DGLUCY: variants seen among roughly 807,000 people sequenced by gnomAD.
DGLUCY encodes the protein D-glutamate cyclase.
Under a neutral mutation model 58.5 loss-of-function variants are expected in DGLUCY, and 58 were observed. That is an observed-to-expected ratio of 0.99 (90% confidence interval 0.80 to 1.23). The LOEUF is 1.23. Ranked by LOEUF, DGLUCY falls within the 50% of genes most tolerant of loss-of-function variation. DGLUCY has a pLI of 0.00. For synonymous variants in DGLUCY, 325 were observed against 314.1 expected, an observed-to-expected ratio of 1.03 and a Z score of -0.37; for missense variants, 779 against 784.7, an observed-to-expected ratio of 0.99 and a Z score of 0.09.
intron 1 of DGLUCY, among the ~76,000 whole-genome samples, chr14:91,088,809 A>G (rs2044263745): frequency 6.6e-6 from 1 of 152,198 alleles, no homozygotes; most frequent in African/African-American, 2.4e-5. Context: ...GAGGCTGCCA[A>G]CCTGAAGCCA....
intron 1 of DGLUCY, among the ~76,000 whole-genome samples, chr14:91,137,060 G>A (rs1455896264): frequency 6.6e-6 from 1 of 151,980 alleles, no homozygotes; most frequent in African/African-American, 2.4e-5. Flanking sequence ...GTAGAAATAT[G>A]GTTGGACAGA....
chr14:91,105,032 T>C (rs1470263187), upstream of DGLUCY, among the ~76,000 whole-genome samples: 1 of 152,176 alleles, frequency 6.6e-6, no homozygotes, highest in African/African-American at 2.4e-5. Context: ...ATTGCATTAC[T>C]GGCTGGGCAT....
intron 10 of DGLUCY, among the ~76,000 whole-genome samples, chr14:91,197,441 G>A (rs557205938): frequency 9.7e-4 from 148 of 152,262 alleles, no homozygotes; most frequent in African/African-American, 3.1e-3. Flanking sequence ...CTTCAGTGGC[G>A]TAAAACTACA....
At chr14:91,127,912 C>G (rs1166441909) in intron 1 of DGLUCY, among the ~76,000 whole-genome samples, 1 of 150,824 alleles carries the variant, frequency 6.6e-6, no homozygotes, top group Non-Finnish European at 1.5e-5. Context: ...ACACCCCAGG[C>G]ACCTGGCTTT....
exon 1 of DGLUCY, chr14:91,060,570 G>A (rs1348972507): frequency 1.1e-5 from 12 of 1,132,976 alleles, no homozygotes; most frequent in Non-Finnish European, 1.3e-5. Flanking sequence ...GCAAAGACGA[G>A]TCTCTTTCCC....
chr14:91,123,889 A>G (rs544375796), intron 1 of DGLUCY, among the ~76,000 whole-genome samples: 50 of 146,744 alleles, frequency 3.4e-4, no homozygotes, highest in African/African-American at 9.1e-4. Flanking sequence ...GTTTTTTTCA[A>G]TGTTTTAACA....
At chr14:91,072,070 C>A (rs1452361210) in intron 1 of DGLUCY, among the ~76,000 whole-genome samples, 4 of 152,216 alleles carry the variant, frequency 2.6e-5, no homozygotes, top group African/African-American at 9.6e-5. Flanking sequence ...TGCCTACAAT[C>A]CCAGCACTTT....
intron 1 of DGLUCY, among the ~76,000 whole-genome samples, chr14:91,130,335 T>G (rs2045961657): frequency 6.6e-6 from 1 of 150,690 alleles, no homozygotes; most frequent in Non-Finnish European, 1.5e-5. Context: ...AGAGTCTTGC[T>G]CTGTCAGGAG....
upstream of DGLUCY, among the ~76,000 whole-genome samples, chr14:91,104,400 G>A (rs1428348454): frequency 6.6e-6 from 1 of 152,076 alleles, no homozygotes; most frequent in Non-Finnish European, 1.5e-5. Context: ...GAAGGGTGTT[G>A]CTACCAGCAT....
intron 1 of DGLUCY, among the ~76,000 whole-genome samples, chr14:91,075,918 G>C (rs2044012359): frequency 6.6e-6 from 1 of 152,156 alleles, no homozygotes; most frequent in Admixed American, 6.6e-5. Flanking sequence ...TTCGAGACCA[G>C]CCAGGCCAAC....
intron 1 of DGLUCY, among the ~76,000 whole-genome samples, chr14:91,151,222 TTTC>T (rs1876000787): frequency 6.6e-6 from 1 of 152,246 alleles, no homozygotes; most frequent in African/African-American, 2.4e-5. Flanking sequence ...TTTTCTATAG[TTTC>T]TTATTTCTTT....
At chr14:91,085,893 G>T (rs574656374) in intron 1 of DGLUCY, among the ~76,000 whole-genome samples, 8 of 152,222 alleles carry the variant, frequency 5.3e-5, no homozygotes, top group South Asian at 2.1e-4. Context: ...TATAACAGGG[G>T]TTCCCAACCC....
chr14:91,166,702 G>T (rs2048304733), intron 3 of DGLUCY, among the ~76,000 whole-genome samples: 1 of 151,954 alleles, frequency 6.6e-6, no homozygotes. Flanking sequence ...GGGTATGGTA[G>T]TGTGCACCTG....
chr14:91,126,023 A>G (rs935864862), intron 1 of DGLUCY, among the ~76,000 whole-genome samples: 1 of 152,166 alleles, frequency 6.6e-6, no homozygotes, highest in African/African-American at 2.4e-5. Context: ...GCATTGTGCT[A>G]AGGAGGATGG....
intron 1 of DGLUCY, among the ~76,000 whole-genome samples, chr14:91,068,077 A>G (rs868117769): frequency 8.9e-4 from 75 of 84,646 alleles, no homozygotes; most frequent in African/African-American, 3.6e-3. Context: ...ACACACGCGC[A>G]CGCACACACA....
chr14:91,092,408 T>C (rs900288553), intron 1 of DGLUCY, among the ~76,000 whole-genome samples: 2 of 152,260 alleles, frequency 1.3e-5, no homozygotes, highest in African/African-American at 2.4e-5. Flanking sequence ...TTAGTGTTGC[T>C]GTATGCTAGT....
At chr14:91,062,594 TATATATATATATATATA>T (rs1352561379) in intron 1 of DGLUCY, among the ~76,000 whole-genome samples, 571 of 27,226 alleles carry the variant, frequency 0.021, 68 homozygotes, top group South Asian at 0.046. Flanking sequence ...TATATATATA[TATATATATATATATATA>T]AACAATCCTT....
intron 1 of DGLUCY, among the ~76,000 whole-genome samples, chr14:91,153,095 T>C (rs566783664): frequency 6.6e-6 from 1 of 152,310 alleles, no homozygotes; most frequent in South Asian, 2.1e-4. Context: ...AATCACAAAG[T>C]TTCTCTCCTG....
chr14:91,173,383 G>A lies in DGLUCY; in HGVS notation c.551G>A (p.Arg184Gln), dbSNP rs752758781. The A allele has an allele frequency of 8.7e-6, 14 of 1,612,698 alleles. No homozygotes were observed. Among genetic ancestry groups the A allele is most frequent in the African/African-American group, 4.0e-5 (3 of 74,680 alleles). The change falls in exon 6 of 14, where the codon CGG (arginine) becomes CAG (glutamine). Residue 184 changes from arginine (R) to glutamine (Q), a missense_variant. Arg to Gln is a conservative substitution (Grantham distance 43, BLOSUM62 1). Coordinates refer to ENST00000256324, the MANE Select transcript of DGLUCY (RefSeq NM_001102368.3). ...AAGGACAAGCTGGAAGGGCTGGTGC[G>A]GGCCTGCTGCTCCCTCGGAGGTGAG... ...IPKDKLEGLVRACCSLGGEQG... is the reference protein window; with the variant it reads ...IPKDKLEGLVQACCSLGGEQG...
Sources: gnomAD v4.1 joint callset for allele counts (sites outside exome capture counted in the v4.1 genomes callset) on GRCh38, gnomAD v4.1.1 for gene constraint, MANE v1.5 for transcripts, NCBI Gene and HGNC (gene_info 2026-07-23, HGNC 2026-07-21) for gene names.